RTL4: variants seen among roughly 807,000 people sequenced by gnomAD.
RTL4 encodes the protein retrotransposon Gag like 4.
In RTL4, 4 loss-of-function variants were observed where a neutral mutation model predicts 5.3. That is an observed-to-expected ratio of 0.75 (90% CI 0.37 to 1.72). The LOEUF (loss-of-function observed/expected upper bound fraction) is 1.72, where lower values mean the gene tolerates loss of function less well. Ranked by LOEUF, RTL4 falls within the 40% of genes most tolerant of loss-of-function variation. The pLI is 0.04. For missense variants in RTL4, 260 were observed against 227.1 expected (o/e 1.14, Z -0.93); for synonymous variants, 98 against 87.3 (o/e 1.12, Z -0.68).
the RTL4 span, among the ~76,000 whole-genome samples, chrX:112,274,506 ACCT>A: frequency 3.6e-5 from 4 of 111,841 alleles, no homozygotes; most frequent in African/African-American, 1.3e-4. Flanking sequence ...TGAAGAACAA[ACCT>A]CCTGACTGAG....
At chrX:112,098,394 A>G in the RTL4 span, among the ~76,000 whole-genome samples, 84 of 111,251 alleles carry the variant, frequency 7.6e-4, no homozygotes, top group African/African-American at 2.7e-3. Flanking sequence ...AGTCCTTGCT[A>G]TTGTGAATAC....
chrX:112,168,941 TTCTTTC>T, the RTL4 span, among the ~76,000 whole-genome samples: 1 of 13,491 alleles, frequency 7.4e-5, no homozygotes, highest in Non-Finnish European at 1.9e-4. Context: ...TTCTTTCTTT[TTCTTTC>T]TTTCTTTCTT....
the RTL4 span, among the ~76,000 whole-genome samples, chrX:112,346,268 A>G: frequency 9.0e-6 from 1 of 111,423 alleles, no homozygotes; most frequent in Non-Finnish European, 1.9e-5. Context: ...ACTGTGGCCA[A>G]AGACATACTC....
At chrX:112,360,982 G>A in the RTL4 span, among the ~76,000 whole-genome samples, 1 of 111,316 alleles carries the variant, frequency 9.0e-6, no homozygotes, top group South Asian at 3.7e-4. Flanking sequence ...AAGAAAAAAT[G>A]TTTCATTCTT....
the RTL4 span, among the ~76,000 whole-genome samples, chrX:112,117,998 C>A: frequency 1.8e-5 from 2 of 111,154 alleles, no homozygotes; most frequent in Non-Finnish European, 3.8e-5. Context: ...AGATATAATA[C>A]AGTCATTAAA....
At chrX:112,329,950 A>C in the RTL4 span, among the ~76,000 whole-genome samples, 252 of 83,355 alleles carry the variant, frequency 3.0e-3, no homozygotes, top group East Asian at 4.8e-3. Flanking sequence ...CCTTTGACAA[A>C]ATTCAACAAC....
chrX:112,120,074 TA>T, the RTL4 span, among the ~76,000 whole-genome samples: 1 of 111,977 alleles, frequency 8.9e-6, no homozygotes, highest in Non-Finnish European at 1.9e-5. Flanking sequence ...TATCTAACTT[TA>T]ATTTTACAAT....
At chrX:112,443,321 T>C in the RTL4 span, among the ~76,000 whole-genome samples, 1 of 112,105 alleles carries the variant, frequency 8.9e-6, no homozygotes, top group African/African-American at 3.2e-5. Flanking sequence ...ATTTTCTTTA[T>C]CTAGTCCTCT....
chrX:112,437,525 AAT>A, the RTL4 span, among the ~76,000 whole-genome samples: 8 of 108,518 alleles, frequency 7.4e-5, no homozygotes, highest in Admixed American at 2.0e-4. Context: ...CTTTGTACCC[AAT>A]ATATATATAT....
chrX:112,094,186 T>C, the RTL4 span, among the ~76,000 whole-genome samples: 2 of 111,481 alleles, frequency 1.8e-5, no homozygotes, highest in South Asian at 7.5e-4. Flanking sequence ...CACTGGGATG[T>C]AGAAAAGATG....
At chrX:112,248,564 T>G in the RTL4 span, among the ~76,000 whole-genome samples, 15 of 112,524 alleles carry the variant, frequency 1.3e-4, no homozygotes, top group Non-Finnish European at 3.7e-5. Context: ...TTGAATGCAG[T>G]GTTCATATAC....
the RTL4 span, among the ~76,000 whole-genome samples, chrX:112,311,947 A>G: frequency 6.3e-5 from 7 of 111,784 alleles, no homozygotes; most frequent in Non-Finnish European, 1.1e-4. Flanking sequence ...TCTAAAAATA[A>G]TTGATACTCT....
the RTL4 span, among the ~76,000 whole-genome samples, chrX:112,322,168 T>A: frequency 9.0e-6 from 1 of 111,485 alleles, no homozygotes; most frequent in African/African-American, 3.3e-5. Context: ...TTTGTGGCAT[T>A]TTCAGTGACT....
chrX:112,390,108 T>TATATATATAA, the RTL4 span, among the ~76,000 whole-genome samples: 1 of 1,041 alleles, frequency 9.6e-4, no homozygotes, highest in African/African-American at 2.5e-3. Context: ...TTATATATAA[T>TATATATATAA]ATATATATAT....
chrX:112,191,876 A>T, the RTL4 span, among the ~76,000 whole-genome samples: 1 of 111,528 alleles, frequency 9.0e-6, no homozygotes, highest in African/African-American at 3.3e-5. Flanking sequence ...CAACCCACAA[A>T]CATGGAATGT....
the RTL4 span, among the ~76,000 whole-genome samples, chrX:112,380,653 T>A: frequency 8.9e-6 from 1 of 111,980 alleles, no homozygotes; most frequent in Non-Finnish European, 1.9e-5. Flanking sequence ...TAGAGAAACT[T>A]CCATGATGTT....
chrX:112,418,488 A>G, the RTL4 span, among the ~76,000 whole-genome samples: 2 of 112,092 alleles, frequency 1.8e-5, no homozygotes, highest in African/African-American at 3.2e-5. Context: ...AAACAAGACA[A>G]TCCCTGCAAA....
the RTL4 span, among the ~76,000 whole-genome samples, chrX:112,397,400 GT>G: frequency 9.0e-6 from 1 of 110,764 alleles, no homozygotes; most frequent in Admixed American, 9.6e-5. Flanking sequence ...TCCATGGTTA[GT>G]TGAATTAATT....
the RTL4 span, among the ~76,000 whole-genome samples, chrX:112,149,203 C>A: frequency 9.0e-6 from 1 of 111,498 alleles, no homozygotes; most frequent in Non-Finnish European, 1.9e-5. Flanking sequence ...TGAGTGAGAC[C>A]TTTTTCGAGG....
Sources: allele counts gnomAD v4.1 joint callset (sites outside exome capture counted in the v4.1 genomes callset), GRCh38; gene constraint gnomAD v4.1.1; transcripts MANE v1.5; gene names NCBI Gene and HGNC (gene_info 2026-07-23, HGNC 2026-07-21).